CYBA: variants seen among roughly 807,000 people sequenced by gnomAD.
CYBA encodes the protein cytochrome b-245 alpha chain.
Under a neutral mutation model 20.8 loss-of-function variants are expected in CYBA, and 21 were observed. That is an observed-to-expected ratio of 1.01 (90% CI 0.72 to 1.46). The LOEUF (loss-of-function observed/expected upper bound fraction) is 1.46. Ranked by LOEUF, CYBA falls within the 40% of genes most tolerant of loss-of-function variation. The pLI is 0.00. For missense variants in CYBA, 344 were observed against 287.0 expected (o/e 1.20, Z -1.43); for synonymous variants, 164 against 127.5 (o/e 1.29, Z -1.93).
Position 88,646,773 on chromosome 16 carries a change from C to G in CYBA, c.269G>C (p.Arg90Pro). The stretch of plus-strand genomic sequence containing the variant: ...GACTCACAGGAGATGCAGGACGGCC[C>G]GAACATAGTAATTCCTGGTAAAGGG... ...FGPFTRNYYVRAVLHLLLSVP... is the reference protein window; with the variant it reads ...FGPFTRNYYVPAVLHLLLSVP... Residue 90 changes from arginine (R) to proline (P), a missense_variant, in exon 4 of 6, where the codon CGG becomes CCG. Transcript: ENST00000261623. 1.2e-6 allele frequency: 2 copies of G among 1,613,914 alleles called. No individual in the cohort carries two copies. The highest frequency in any genetic ancestry group is 2.2e-5 in the South Asian group (2 of 91,076).
rs62048001 is a variant in CYBA, at chr16:88,649,040, C to T, written c.59-926G>A. Among the ~76,000 whole-genome samples, 741 of 151,080 alleles carry T rather than the reference C, an allele frequency of 4.9e-3. 4 individuals are homozygous for T. The highest frequency in any genetic ancestry group is 9.7e-3 in the Admixed American group (146 of 15,060). On this transcript the variant is annotated intron_variant, in intron 1 of 5. Transcript: ENST00000261623. ...ACAACCTCCACCTCCCAGGTTGAAG[C>T]GATTCTCCTGCCTCAGCCTCCCGAG...
At chr16:88,646,278 C>G (rs1907276786) in intron 4 of CYBA, 81 bp from the exon 5 acceptor site, 10 of 470,208 alleles carry the variant, frequency 2.1e-5, no homozygotes, top group Non-Finnish European at 2.8e-5. Context: ...GGGGCCAAGG[C>G]CACAAAGTCT....
intron 2 of CYBA, 199 bp downstream of exon 2, chr16:88,647,846 G>T (rs1209174798): frequency 4.7e-6 from 3 of 638,244 alleles, no homozygotes; most frequent in Non-Finnish European, 8.5e-6. Flanking sequence ...TAGACTGGCG[G>T]GTCTGCCGCT....
Position 88,643,442 on chromosome 16 carries a change from G to A in CYBA, c.499C>T (p.Pro167Ser), listed in dbSNP as rs1348918194. 6.5e-7 allele frequency: 1 copy of A among 1,534,958 alleles called. No homozygotes were observed. Among genetic ancestry groups the A allele is most frequent in the South Asian group, 1.2e-5 (1 of 83,586 alleles). Reference sequence around the variant, plus strand: ...GCCACCGCAGCCTCCTCCTCGCTGGGCTTCTTGCGGGCCTCGGCCGGGGGC... The same window carrying A: ...GCCACCGCAGCCTCCTCCTCGCTGGACTTCTTGCGGGCCTCGGCCGGGGGC... Reference protein sequence around the residue: ...PRPPAEARKKPSEEEAAVAAG... With the variant: ...PRPPAEARKKSSEEEAAVAAG... The change falls in exon 6 of 6, where the codon CCC (proline) becomes TCC (serine). Residue 167 changes from proline (P) to serine (S), a missense_variant. Transcript: ENST00000261623. The surrounding 1 kb of genome is among the most constrained non-coding windows in gnomAD (Gnocchi z 4.3).
chr16:88,648,937 C>CTTTT (rs35341429), intron 1 of CYBA, among the ~76,000 whole-genome samples: 1 of 119,650 alleles, frequency 8.4e-6, no homozygotes, highest in African/African-American at 3.1e-5. Context: ...TATTTTATTT[C>CTTTT]TTTTTTTTTT....
intron 5 of CYBA, among the ~76,000 whole-genome samples, chr16:88,644,083 A>G (rs1907190040): frequency 6.6e-6 from 1 of 152,194 alleles, no homozygotes; most frequent in Non-Finnish European, 1.5e-5. Flanking sequence ...GGCTTTTACT[A>G]AAAATACAGA....
At chr16:88,648,798 A>G (rs1907389068) in intron 1 of CYBA, among the ~76,000 whole-genome samples, 1 of 146,582 alleles carries the variant, frequency 6.8e-6, no homozygotes, top group African/African-American at 2.5e-5. Context: ...TTACATTTTT[A>G]TTAGAGACAG....
intron 1 of CYBA, among the ~76,000 whole-genome samples, chr16:88,649,798 G>A (rs1453812914): frequency 2.6e-5 from 4 of 152,224 alleles, no homozygotes; most frequent in Non-Finnish European, 4.4e-5. Flanking sequence ...CTTCGGGCCA[G>A]GAGCCCCTGG....
intron 1 of CYBA, among the ~76,000 whole-genome samples, chr16:88,648,447 C>A (rs1039776047): frequency 2.4e-4 from 37 of 152,314 alleles, no homozygotes; most frequent in African/African-American, 8.2e-4. Context: ...GTTTGATGCA[C>A]TGAAAGCTAA....
intron 2 of CYBA, among the ~76,000 whole-genome samples, chr16:88,647,514 G>A (rs1306381101): frequency 6.6e-6 from 1 of 152,206 alleles, no homozygotes; most frequent in Non-Finnish European, 1.5e-5. Context: ...GCAGCCTGGG[G>A]GACAGAGCGA....
At chr16:88,645,291 C>G (rs926491658) in intron 5 of CYBA, 27 of 702,324 alleles carry the variant, frequency 3.8e-5, no homozygotes, top group African/African-American at 2.8e-4. Flanking sequence ...GGTGGCAGGT[C>G]AGTGAGGCTT....
At chr16:88,647,543 G>C (rs544228095) in intron 2 of CYBA, 6 of 366,544 alleles carry the variant, frequency 1.6e-5, no homozygotes, top group Non-Finnish European at 2.6e-5. Flanking sequence ...CTCAAAAAAG[G>C]TCGGGGGCAG....
chr16:88,646,417 T>A lies in CYBA; in HGVS notation c.288-220A>T, dbSNP rs566826448. The A allele has an allele frequency of 6.8e-4, 461 of 679,378 alleles. 2 individuals are homozygous for A. The highest frequency in any genetic ancestry group is 2.5e-4 in the Non-Finnish European group (93 of 370,438). 42.1% of individuals were successfully genotyped at this position (679,378 alleles called of 1,614,324 possible). On this transcript the variant is annotated intron_variant, in intron 4 of 5. Transcript: ENST00000261623. ...CTTGCTCGGAGGAAGCAGCCACGTG[T>A]GGGTGTCCTGGCCTCAGCCGGCAGT...
At position 88,645,724 on chromosome 16, in the gene CYBA, C is replaced by T. The variant is rs1907252716; in HGVS notation, c.369+392G>A. On this transcript the variant is annotated intron_variant, in intron 5 of 5. Transcript: ENST00000261623. ...CGTCCTGGCACCGCCCATGAATCAG[C>T]GCGAATAGGGTTTAGGTGAGAAAAG... 5 of 541,286 alleles carry T rather than the reference C, an allele frequency of 9.2e-6. 1 individual carries two copies. Among genetic ancestry groups the T allele is most frequent in the South Asian group, 6.5e-5 (3 of 46,510 alleles). 33.5% of individuals were successfully genotyped at this position (541,286 alleles called of 1,614,324 possible). A position where few individuals can be genotyped will look rare whatever the true frequency, so the allele number is the denominator to read the frequency against.
rs1291407392 is a variant in CYBA, at chr16:88,643,411, C to G, written c.530G>C (p.Gly177Ala). ...GACCTGGGGACCTCCCGGGGGTCCC[C>G]CCGCCGCCACCGCAGCCTCCTCCTC... ...PSEEEAAVAA[G>A]GPPGGPQVNP... The change falls in exon 6 of 6, where the codon GGG becomes GCG. Residue 177 changes from glycine (G) to alanine (A), a missense_variant. By Grantham distance (60) the Gly-to-Ala change is moderately conservative (BLOSUM62 0). Transcript: ENST00000261623. The surrounding 1 kb of genome is among the most constrained non-coding windows in gnomAD (Gnocchi z 4.3). The G allele has an allele frequency of 6.5e-7, 1 of 1,534,390 alleles. No individual in the cohort carries two copies. Among genetic ancestry groups the G allele is most frequent in the East Asian group, 2.5e-5 (1 of 40,056 alleles).
rs564201483 is a variant in CYBA, at chr16:88,644,946, G to A, written c.369+1170C>T. 282 of 584,834 alleles carry A rather than the reference G, an allele frequency of 4.8e-4. 1 individual carries two copies. The African/African-American group carries it at 4.9e-3, about 10-fold the overall frequency. 36.2% of individuals were successfully genotyped at this position (584,834 alleles called of 1,614,324 possible). A position where few individuals can be genotyped will look rare whatever the true frequency, so the allele number is the denominator to read the frequency against. On this transcript the variant is annotated intron_variant, in intron 5 of 5. Coordinates refer to ENST00000261623, the MANE Select transcript of CYBA (RefSeq NM_000101.4). ...CTCAAATCCACAGTCAGAGAAGGGC[G>A]AGTCCAAGCTCCACACGGCCAGCTC...
intron 5 of CYBA, among the ~76,000 whole-genome samples, chr16:88,644,160 A>G (rs1907193218): frequency 6.6e-6 from 1 of 152,232 alleles, no homozygotes; most frequent in African/African-American, 2.4e-5. Flanking sequence ...TGTGCTTTTC[A>G]TCTTCTATCC....
Position 88,646,244 on chromosome 16 carries a change from A to T in CYBA, c.288-47T>A, listed in dbSNP as rs1278333651. On this transcript the variant is annotated intron_variant, in intron 4 of 5. Transcript: ENST00000261623. ...GCAGGGACACAGAAGGGCACTCAGAAAGGGGAACGGAGCCCCAGGTCTGGG... is the reference window on the plus strand; with the variant it reads ...GCAGGGACACAGAAGGGCACTCAGATAGGGGAACGGAGCCCCAGGTCTGGG... The T allele has an allele frequency of 2.9e-6, 3 of 1,038,622 alleles. No individual in the cohort carries two copies. The South Asian group carries it at 6.3e-5, about 22-fold the overall frequency. 64.3% of individuals were successfully genotyped at this position (1,038,622 alleles called of 1,614,324 possible). A position where few individuals can be genotyped will look rare whatever the true frequency, so the allele number is the denominator to read the frequency against.
At chr16:88,645,778 G>A (rs921526865) in intron 5 of CYBA, 6 of 536,110 alleles carry the variant, frequency 1.1e-5, no homozygotes, top group South Asian at 4.6e-5. Context: ...GCGCAGGCAC[G>A]GTCTTCGGCC....
Sources: gnomAD v4.1 joint callset for allele counts (sites outside exome capture counted in the v4.1 genomes callset) on GRCh38, gnomAD v4.1.1 for gene constraint, Gnocchi (gnomAD v3.1) non-coding constraint, MANE v1.5 for transcripts, NCBI Gene and HGNC (gene_info 2026-07-23, HGNC 2026-07-21) for gene names.